Variants in CCND1 observed in about 807,000 individuals in gnomAD.
CCND1 encodes the protein cyclin D1.
Under a neutral mutation model 26.1 loss-of-function variants are expected in CCND1, and 9 were observed. The observed-to-expected ratio is 0.35, with a 90% confidence interval of 0.21 to 0.60. The LOEUF is 0.60. Among genes scored for constraint, CCND1 ranks in the 20% least tolerant of loss-of-function variants. The probability of loss-of-function intolerance (pLI) is 0.79; values close to 1 mark genes in which losing one functional copy is unlikely to be tolerated. For missense variants in CCND1, 335 were observed against 392.9 expected, an observed-to-expected ratio of 0.85 and a Z score of 1.25; for synonymous variants, 194 against 166.1, an observed-to-expected ratio of 1.17 and a Z score of -1.29.
At chr11:69,644,957 C>T (rs1261682394) in intron 3 of CCND1, among the ~76,000 whole-genome samples, 1 of 152,224 alleles carries the variant, frequency 6.6e-6, no homozygotes, top group Non-Finnish European at 1.5e-5. Flanking sequence ...GCATCTTCTC[C>T]CCTCCCCAGA....
intron 3 of CCND1, among the ~76,000 whole-genome samples, chr11:69,645,376 C>G (rs1185566661): frequency 6.6e-6 from 1 of 152,208 alleles, no homozygotes; most frequent in African/African-American, 2.4e-5. Context: ...AGCTCCCCTC[C>G]CAGGACCCCT....
Position 69,654,406 on chromosome 11 carries a change from C to G in CCND1, c.*3124C>G. On this transcript the variant is annotated 3_prime_UTR_variant, in exon 5 of 5. Coordinates refer to ENST00000227507, the MANE Select transcript of CCND1 (RefSeq NM_053056.3). This position sits in a 1 kb window ranked among gnomAD's most constrained non-coding sequence, Gnocchi z 6.3. Reference sequence around the variant, plus strand: ...GGCGCTTCCCAGCACCAACATGTAACCGGCATGTTTCCAGCAGAAGACAAA... The same window carrying G: ...GGCGCTTCCCAGCACCAACATGTAAGCGGCATGTTTCCAGCAGAAGACAAA... 1.4e-6 allele frequency: 1 copy of G among 696,826 alleles called. No homozygotes were observed. Among genetic ancestry groups the G allele is most frequent in the South Asian group, 1.5e-5 (1 of 67,296 alleles). The allele number at this position is 696,826 out of a possible 1,614,324, so 43.2% of individuals were successfully genotyped here. A position where few individuals can be genotyped will look rare whatever the true frequency, so the allele number is the denominator to read the frequency against.
rs1472830275 is a variant in CCND1, at chr11:69,641,255, G to C, written c.-59G>C. On this transcript the variant is annotated 5_prime_UTR_variant, in exon 1 of 5. Transcript: ENST00000227507. ...GCGCGGGGCAGCAGAAGCGAGAGCC[G>C]AGCGCGGACCCAGCCAGGACCCACA... 6.6e-7 allele frequency: 1 copy of C among 1,519,974 alleles called. No individual in the cohort carries two copies. Among genetic ancestry groups the C allele is most frequent in the Non-Finnish European group, 9.0e-7 (1 of 1,107,630 alleles). 94.2% of individuals were successfully genotyped at this position (1,519,974 alleles called of 1,614,324 possible).
chr11:69,641,353 C>G lies in CCND1; in HGVS notation c.40C>G (p.Arg14Gly). Residue 14 changes from arginine (R) to glycine (G), a missense_variant, in exon 1 of 5, where the codon CGC (arginine) becomes GGC (glycine). Transcript: ENST00000227507. ...QLLCCEVETI[R>G]RAYPDANLLN... The stretch of plus-strand genomic sequence containing the variant: ...CCTGTGCTGCGAAGTGGAAACCATC[C>G]GCCGCGCGTACCCCGATGCCAACCT... 1 of 1,613,122 alleles carries G rather than the reference C, an allele frequency of 6.2e-7. No homozygotes were observed. Among genetic ancestry groups the G allele is most frequent in the Non-Finnish European group, 8.5e-7 (1 of 1,180,016 alleles).
In CCND1 at chr11:69,641,262, G is replaced by A. The variant is rs2120079050; in HGVS notation, c.-52G>A. The A allele has an allele frequency of 6.5e-7, 1 of 1,550,070 alleles. No homozygotes were observed. The highest frequency in any genetic ancestry group is 8.8e-7 in the Non-Finnish European group (1 of 1,133,600). ...GCAGCAGAAGCGAGAGCCGAGCGCG[G>A]ACCCAGCCAGGACCCACAGCCCTCC... On this transcript the variant is annotated 5_prime_UTR_variant, in exon 1 of 5. Transcript: ENST00000227507.
At position 69,653,738 on chromosome 11, in the gene CCND1, A is replaced by C; in HGVS notation, c.*2456A>C. ...TCATAGTAGTTTTTACAGCTGTGTT[A>C]TTCTTTGCGTGTAGCTATGGAAGTT... is the stretch of plus-strand genomic sequence containing the variant. On this transcript the variant is annotated 3_prime_UTR_variant, in exon 5 of 5. Transcript: ENST00000227507. 1 of 290,398 alleles carries C rather than the reference A, an allele frequency of 3.4e-6. No homozygotes were observed. Among genetic ancestry groups the C allele is most frequent in the Non-Finnish European group, 6.5e-6 (1 of 154,588 alleles). The allele number at this position is 290,398 out of a possible 1,614,324, so 18.0% of individuals were successfully genotyped here.
rs1192312607 is a variant in CCND1 at position 69,653,534 on chromosome 11, C to A, written c.*2252C>A. The A allele has an allele frequency of 5.4e-6, 3 of 552,116 alleles. No individual in the cohort carries two copies. The highest frequency in any genetic ancestry group is 9.5e-6 in the Non-Finnish European group (3 of 315,882). The allele number at this position is 552,116 out of a possible 1,614,324, so 34.2% of individuals were successfully genotyped here. A position where few individuals can be genotyped will look rare whatever the true frequency, so the allele number is the denominator to read the frequency against. On this transcript the variant is annotated 3_prime_UTR_variant, in exon 5 of 5. Coordinates refer to ENST00000227507, the MANE Select transcript of CCND1 (RefSeq NM_053056.3). Reference sequence around the variant, plus strand: ...ACTTAGCCATGGTGGACCCAGCGGGCAGGTTCTGCCTGCTTTGGCGGGCAG... The same window carrying A: ...ACTTAGCCATGGTGGACCCAGCGGGAAGGTTCTGCCTGCTTTGGCGGGCAG...
rs2120079868 is a variant in CCND1, at chr11:69,641,351, T to C, written c.38T>C (p.Ile13Thr). The C allele has an allele frequency of 6.2e-7, 1 of 1,612,990 alleles. No homozygotes were observed. The highest frequency in any genetic ancestry group is 8.5e-7 in the Non-Finnish European group (1 of 1,179,994). The change falls in exon 1 of 5, where the codon ATC (isoleucine) becomes ACC (threonine). Residue 13 changes from isoleucine (I) to threonine (T), a missense_variant. Transcript: ENST00000227507. ...HQLLCCEVET[I>T]RRAYPDANLL... ...CTCCTGTGCTGCGAAGTGGAAACCA[T>C]CCGCCGCGCGTACCCCGATGCCAAC...
chr11:69,654,286 A>G lies in CCND1; in HGVS notation c.*3004A>G. 1.4e-6 allele frequency: 1 copy of G among 702,604 alleles called. No homozygotes were observed. Among genetic ancestry groups the G allele is most frequent in the South Asian group, 1.5e-5 (1 of 67,596 alleles). The allele number at this position is 702,604 out of a possible 1,614,324, so 43.5% of individuals were successfully genotyped here. ...TATCGAGAGGCCAAAGGCTGGTGGC[A>G]AGTGCACGGGGCACAGCGGAGTCTG... On this transcript the variant is annotated 3_prime_UTR_variant, in exon 5 of 5. Transcript: ENST00000227507. This position sits in a 1 kb window ranked among gnomAD's most constrained non-coding sequence, Gnocchi z 6.3.
rs768582800 is a variant in CCND1 at position 69,651,184 on chromosome 11, C to G, written c.790C>G (p.Gln264Glu). 1 of 1,611,204 alleles carries G rather than the reference C, an allele frequency of 6.2e-7. No homozygotes were observed. The highest frequency in any genetic ancestry group is 2.2e-5 in the East Asian group (1 of 44,448). The change falls in exon 5 of 5, where the codon CAG (glutamine) becomes GAG (glutamate). Residue 264 changes from glutamine to glutamate, a missense_variant. Transcript: ENST00000227507. ...LLESSLRQAQQNMDPKAAEEE... is the reference protein window; with the variant it reads ...LLESSLRQAQENMDPKAAEEE... Reference sequence around the variant, plus strand: ...GGAGTCAAGCCTGCGCCAGGCCCAGCAGAACATGGACCCCAAGGCCGCCGA... The same window carrying G: ...GGAGTCAAGCCTGCGCCAGGCCCAGGAGAACATGGACCCCAAGGCCGCCGA...
intron 3 of CCND1, among the ~76,000 whole-genome samples, chr11:69,646,134 G>GC (rs1158520979): frequency 1.3e-5 from 2 of 152,188 alleles, no homozygotes; most frequent in African/African-American, 4.8e-5. Flanking sequence ...GGAGACGGGG[G>GC]GGTGCACAAG....
intron 3 of CCND1, 178 bp from the exon 4 acceptor site, chr11:69,647,816 C>T (rs1278977937): frequency 2.7e-5 from 18 of 657,848 alleles, no homozygotes; most frequent in African/African-American, 3.6e-5. Flanking sequence ...TCTTGCTCTC[C>T]GAGTGCCCAG....
At chr11:69,643,655 C>G in intron 2 of CCND1, 177 bp from the exon 3 acceptor site, 1 of 581,176 alleles carries the variant, frequency 1.7e-6, no homozygotes, top group Non-Finnish European at 3.0e-6. Context: ...TGCCCCAGCT[C>G]CCTTGAGTCC....
chr11:69,646,605 C>A (rs754405062), intron 3 of CCND1, among the ~76,000 whole-genome samples: 7 of 152,196 alleles, frequency 4.6e-5, no homozygotes, highest in Non-Finnish European at 8.8e-5. Flanking sequence ...TCCCTGCCGA[C>A]GTCCGGCTCC....
intron 4 of CCND1, 46 bp downstream of exon 4, chr11:69,648,188 G>A (rs1261145910): frequency 1.2e-6 from 2 of 1,608,102 alleles, no homozygotes; most frequent in Admixed American, 3.3e-5. Flanking sequence ...GGCTTACAGG[G>A]GGAGACACCT....
chr11:69,648,119 T>A lies in CCND1; in HGVS notation c.700T>A (p.Ser234Thr), dbSNP rs1165177408. 6.2e-7 allele frequency: 1 copy of A among 1,613,868 alleles called. No individual in the cohort carries two copies. The highest frequency in any genetic ancestry group is 8.5e-7 in the Non-Finnish European group (1 of 1,180,008). The change falls in exon 4 of 5, where the codon TCC becomes ACC. Residue 234 changes from serine (S) to threonine (T), a missense_variant. Coordinates refer to ENST00000227507, the MANE Select transcript of CCND1 (RefSeq NM_053056.3). ...LSYYRLTRFLSRVIKCDPDCL... is the reference protein window; with the variant it reads ...LSYYRLTRFLTRVIKCDPDCL... Reference sequence around the variant, plus strand: ...CTACTACCGCCTCACACGCTTCCTCTCCAGAGTGATCAAGTGTGACCCGGT... The same window carrying A: ...CTACTACCGCCTCACACGCTTCCTCACCAGAGTGATCAAGTGTGACCCGGT...
chr11:69,641,490 C>T lies in CCND1; in HGVS notation c.177C>T (p.Ile59=), dbSNP rs2120081627. ...QKEVLPSMRK[I]VATWMLEVCE... ...AGGTCCTGCCGTCCATGCGGAAGAT[C>T]GTCGCCACCTGGATGCTGGAGGTGC... Residue 59 remains isoleucine, a synonymous_variant, in exon 1 of 5, where the codon ATC becomes ATT. Transcript: ENST00000227507. The T allele has an allele frequency of 6.2e-7, 1 of 1,613,202 alleles. No individual in the cohort carries two copies. Among genetic ancestry groups the T allele is most frequent in the South Asian group, 1.1e-5 (1 of 91,072 alleles).
Position 69,641,640 on chromosome 11 carries a change from G to A in CCND1, c.198+129G>A. On this transcript the variant is annotated intron_variant, in intron 1 of 4. Coordinates refer to ENST00000227507, the MANE Select transcript of CCND1 (RefSeq NM_053056.3). The stretch of plus-strand genomic sequence containing the variant: ...TGAAGTTTGCCGTGGTGTTTCTAGG[G>A]ATCCGTATTTTCAAAATAAAAATTG... The A allele has an allele frequency of 5.7e-6, 5 of 875,314 alleles. No individual in the cohort carries two copies. In the South Asian group the frequency reaches 6.3e-5, roughly 11 times the overall value. 54.2% of individuals were successfully genotyped at this position (875,314 alleles called of 1,614,324 possible).
In CCND1 at chr11:69,654,247, C is replaced by T. The variant is rs1855898644; in HGVS notation, c.*2965C>T. On this transcript the variant is annotated 3_prime_UTR_variant, in exon 5 of 5. Transcript: ENST00000227507. The surrounding 1 kb of genome is among the most constrained non-coding windows in gnomAD (Gnocchi z 6.3). Reference sequence around the variant, plus strand: ...TCGTGATGGGGCAAGGGCACAAGTCCTGGATGTTGTGTGTATCGAGAGGCC... The same window carrying T: ...TCGTGATGGGGCAAGGGCACAAGTCTTGGATGTTGTGTGTATCGAGAGGCC... 1.4e-6 allele frequency: 1 copy of T among 702,434 alleles called. No individual in the cohort carries two copies. Among genetic ancestry groups the T allele is most frequent in the African/African-American group, 1.7e-5 (1 of 57,242 alleles). 43.5% of individuals were successfully genotyped at this position (702,434 alleles called of 1,614,324 possible).
Sources: gnomAD v4.1 joint callset for allele counts (sites outside exome capture counted in the v4.1 genomes callset) on GRCh38, gnomAD v4.1.1 for gene constraint, Gnocchi (gnomAD v3.1) non-coding constraint, MANE v1.5 for transcripts, NCBI Gene and HGNC (gene_info 2026-07-23, HGNC 2026-07-21) for gene names.